Variants in NRCAM observed in about 807,000 individuals in gnomAD.
NRCAM encodes NgCAM-related cell adhesion molecule.
In NRCAM, 83 loss-of-function variants were observed where a neutral mutation model predicts 156.5. The ratio of observed to expected loss-of-function variants is 0.53; its 90% CI spans 0.44 to 0.64. The LOEUF is 0.64. Ranked by LOEUF, NRCAM falls within the 30% of genes least tolerant of loss-of-function variation. The probability of loss-of-function intolerance (pLI) is 0.00; values close to 1 mark genes in which losing one functional copy is unlikely to be tolerated. For missense variants in NRCAM, 1,417 were observed against 1,597.3 expected, an observed-to-expected ratio of 0.89 and a Z score of 1.92; for synonymous variants, 538 against 563.9, an observed-to-expected ratio of 0.95 and a Z score of 0.65.
At chr7:108,325,448 T>TC (rs1175743159) in intron 2 of NRCAM, among the ~76,000 whole-genome samples, 1 of 151,966 alleles carries the variant, frequency 6.6e-6, no homozygotes, top group Non-Finnish European at 1.5e-5. Flanking sequence ...TTTTTTTTTT[T>TC]CCTGGATCTT....
chr7:108,165,663 T>G (rs1179785560), intron 30 of NRCAM, among the ~76,000 whole-genome samples: 2 of 152,214 alleles, frequency 1.3e-5, no homozygotes, highest in Non-Finnish European at 2.9e-5. Context: ...AAATGTGTGG[T>G]TTTCTTAAAA....
At chr7:108,155,709 G>A (rs1484765112) in intron 32 of NRCAM, among the ~76,000 whole-genome samples, 2 of 151,986 alleles carry the variant, frequency 1.3e-5, no homozygotes, top group African/African-American at 4.8e-5. Context: ...TATTCCCAAG[G>A]CCTGGCATAC....
intron 3 of NRCAM, among the ~76,000 whole-genome samples, chr7:108,254,813 G>A (rs1330908868): frequency 6.6e-6 from 1 of 152,036 alleles, no homozygotes; most frequent in East Asian, 1.9e-4. Flanking sequence ...GACCTCCCAA[G>A]TGCTTGGATT....
chr7:108,323,616 T>C (rs1593351546), intron 2 of NRCAM, among the ~76,000 whole-genome samples: 3 of 152,318 alleles, frequency 2.0e-5, no homozygotes, highest in African/African-American at 7.2e-5. Flanking sequence ...TCTGAGTACT[T>C]AGTATGTACC....
At chr7:108,205,287 CT>C (rs1293798102) in intron 13 of NRCAM, among the ~76,000 whole-genome samples, 4 of 152,200 alleles carry the variant, frequency 2.6e-5, no homozygotes, top group Non-Finnish European at 5.9e-5. Context: ...GTTCTTTGAT[CT>C]TGGACTTTCC....
At chr7:108,378,478 A>C (rs1266760482) in intron 2 of NRCAM, among the ~76,000 whole-genome samples, 1 of 152,120 alleles carries the variant, frequency 6.6e-6, no homozygotes, top group Non-Finnish European at 1.5e-5. Flanking sequence ...GGATACAAAT[A>C]AAGGACTAAC....
chr7:108,202,756 G>C (rs975299954), intron 13 of NRCAM, among the ~76,000 whole-genome samples: 1 of 152,152 alleles, frequency 6.6e-6, no homozygotes, highest in Non-Finnish European at 1.5e-5. Context: ...CTTTCATTGT[G>C]AGAAAAATAT....
At chr7:108,299,156 A>AG (rs2098537969) in intron 3 of NRCAM, among the ~76,000 whole-genome samples, 1 of 146,052 alleles carries the variant, frequency 6.8e-6, no homozygotes, top group African/African-American at 2.5e-5. Context: ...AAGTAAAAAA[A>AG]AAAAAAACCC....
At chr7:108,442,015 T>C (rs74957047) in intron 1 of NRCAM, among the ~76,000 whole-genome samples, 86 of 152,248 alleles carry the variant, frequency 5.6e-4, no homozygotes, top group African/African-American at 2.0e-3. Flanking sequence ...TATTGTTATT[T>C]ATTAATAGTA....
chr7:108,204,782 T>A (rs2080186536), intron 13 of NRCAM, among the ~76,000 whole-genome samples: 1 of 152,154 alleles, frequency 6.6e-6, no homozygotes, highest in Non-Finnish European at 1.5e-5. Context: ...TAAAGAAGAC[T>A]TTTGGGATGG....
At chr7:108,405,039 C>A (rs944924556) in intron 1 of NRCAM, among the ~76,000 whole-genome samples, 1 of 152,224 alleles carries the variant, frequency 6.6e-6, no homozygotes, top group African/African-American at 2.4e-5. Flanking sequence ...GTGTGAGTGA[C>A]TTAGCAGCAC....
Position 108,257,602 on chromosome 7 carries a change from C to T in NRCAM, c.-106-17432G>A, listed in dbSNP as rs543703028. The stretch of plus-strand genomic sequence containing the variant: ...AGAGTGGTTTTAAGAGAAGTGTAGA[C>T]AGCAGCCTACTCTAATGAAAATAAA... On this transcript the variant is annotated intron_variant, in intron 3 of 32. Coordinates refer to ENST00000379028, the MANE Select transcript of NRCAM (RefSeq NM_001037132.4). Among the ~76,000 whole-genome samples, 8 of 151,842 alleles carry T rather than the reference C, an allele frequency of 5.3e-5. No homozygotes were observed. In the South Asian group the frequency reaches 8.5e-4, roughly 16 times the overall value.
At chr7:108,190,726 TTGAG>T (rs1434743506) in intron 19 of NRCAM, among the ~76,000 whole-genome samples, 1 of 152,216 alleles carries the variant, frequency 6.6e-6, no homozygotes, top group Non-Finnish European at 1.5e-5. Context: ...TTGGTCTTTC[TTGAG>T]TGATTTGTCT....
intron 3 of NRCAM, among the ~76,000 whole-genome samples, chr7:108,246,308 T>G (rs550284097): frequency 1.3e-5 from 2 of 152,120 alleles, no homozygotes; most frequent in East Asian, 3.9e-4. Context: ...GTGTTCAGCC[T>G]TTGTCTGAAC....
intron 3 of NRCAM, among the ~76,000 whole-genome samples, chr7:108,266,232 T>G (rs768549835): frequency 6.6e-6 from 1 of 152,246 alleles, no homozygotes; most frequent in Non-Finnish European, 1.5e-5. Flanking sequence ...GTGCTGGCAC[T>G]TCTATTCAGG....
Position 108,240,134 on chromosome 7 carries a change from G to T in NRCAM, c.-70C>A. On this transcript the variant is annotated 5_prime_UTR_variant, in exon 4 of 33. Coordinates refer to ENST00000379028, the MANE Select transcript of NRCAM (RefSeq NM_001037132.4). ...TCTTTCACAAAAGATTTTGTGAAAC[G>T]TTGTGTGCAACGTTTAAGTAATTTT... 1.9e-6 allele frequency: 2 copies of T among 1,068,766 alleles called. No homozygotes were observed. The highest frequency in any genetic ancestry group is 2.9e-6 in the Non-Finnish European group (2 of 698,336). 66.2% of individuals were successfully genotyped at this position (1,068,766 alleles called of 1,614,324 possible).
In NRCAM at chr7:108,189,702, C is replaced by G; in HGVS notation, c.1978G>C (p.Asp660His). The change falls in exon 20 of 33, where the codon GAC becomes CAC. Residue 660 changes from aspartate (D) to histidine (H), a missense_variant. By Grantham distance (81) the Asp-to-His change is moderately conservative. Transcript: ENST00000379028. Reference protein sequence around the residue: ...PFDLELTDQLDKSVQLSWTPG... With the variant: ...PFDLELTDQLHKSVQLSWTPG... ...GTCCATGACAGCTGAACACTTTTGT[C>G]AAGTTGATCTGTCAGTTCTAAGTCA... The G allele has an allele frequency of 6.4e-7, 1 of 1,560,674 alleles. No individual in the cohort carries two copies. Among genetic ancestry groups the G allele is most frequent in the Middle Eastern group, 1.7e-4 (1 of 5,974 alleles).
At chr7:108,177,891 T>C in intron 26 of NRCAM, 99 bp downstream of exon 26, 1 of 1,054,282 alleles carries the variant, frequency 9.5e-7, no homozygotes, top group African/African-American at 1.6e-5. Context: ...TATCGAAACA[T>C]CACTACGTAC....
chr7:108,206,832 A>T (rs2153566002), intron 13 of NRCAM, among the ~76,000 whole-genome samples: 1 of 152,246 alleles, frequency 6.6e-6, no homozygotes, highest in East Asian at 1.9e-4. Context: ...TAGCTTGGAG[A>T]TATTGGCTAA....
Sources: gnomAD v4.1 joint callset for allele counts (sites outside exome capture counted in the v4.1 genomes callset) on GRCh38, gnomAD v4.1.1 for gene constraint, MANE v1.5 for transcripts, NCBI Gene and HGNC (gene_info 2026-07-23, HGNC 2026-07-21) for gene names.